The following RUVBL1 variants were observed in gnomAD, a reference collection of about 807,000 sequenced individuals.
The protein encoded by RUVBL1 is ruvB-like 1.
A neutral mutation model predicts 52.4 loss-of-function variants in RUVBL1; 4 were observed. The observed-to-expected ratio is 0.08, with a 90% CI of 0.04 to 0.17. The LOEUF (loss-of-function observed/expected upper bound fraction) is 0.17, where lower values mean the gene tolerates loss of function less well. RUVBL1 is among the 10% of genes least tolerant of loss of function. The probability of loss-of-function intolerance (pLI) is 1.00; values close to 1 mark genes in which losing one functional copy is unlikely to be tolerated. For synonymous variants in RUVBL1, 217 were observed against 214.4 expected, an observed-to-expected ratio of 1.01 and a Z score of -0.10; for missense variants, 298 against 572.8, an observed-to-expected ratio of 0.52 and a Z score of 4.90.
At chr3:128,085,200 T>C (rs1012989023) in intron 9 of RUVBL1, 2 of 152,272 alleles carry the variant, frequency 1.3e-5, no homozygotes, top group Non-Finnish European at 2.9e-5. Flanking sequence ...GGGCCCGTTA[T>C]TGCCAATACC....
chr3:128,151,422 T>C (rs1031119769), intron 1 of RUVBL1, among the ~76,000 whole-genome samples: 1 of 151,620 alleles, frequency 6.6e-6, no homozygotes, highest in Non-Finnish European at 1.5e-5. Context: ...AGGTAAGAAA[T>C]GAGGTTTATT....
chr3:128,085,995 G>A (rs886939247), intron 9 of RUVBL1, among the ~76,000 whole-genome samples: 3 of 152,174 alleles, frequency 2.0e-5, no homozygotes, highest in Non-Finnish European at 4.4e-5. Context: ...AGTTACCCTA[G>A]GTCGCAGTGT....
chr3:128,128,281 C>A (rs1156294343), upstream of RUVBL1, among the ~76,000 whole-genome samples: 1 of 152,196 alleles, frequency 6.6e-6, no homozygotes, highest in East Asian at 1.9e-4. Context: ...AGCCATAGCA[C>A]CCAGCAGTAA....
chr3:128,153,109 C>G (rs2107746250), intron 1 of RUVBL1: 1 of 564,424 alleles, frequency 1.8e-6, no homozygotes, highest in African/African-American at 2.1e-5. Flanking sequence ...GTGCATGTTA[C>G]AGAGCACTGA....
At chr3:128,065,290 A>G (rs1941932069) in intron 9 of RUVBL1, 1 of 601,926 alleles carries the variant, frequency 1.7e-6, no homozygotes, top group Non-Finnish European at 3.0e-6. Context: ...GGTTGGGCCT[A>G]TCGACAGGTA....
At chr3:128,127,769 G>A (rs557813267), upstream of RUVBL1, among the ~76,000 whole-genome samples, 4 of 152,282 alleles carry the variant, frequency 2.6e-5, no homozygotes, top group East Asian at 7.7e-4. Context: ...GGCCGAGGTG[G>A]GCAGATCACT....
chr3:128,110,013 C>T (rs1943344132), intron 3 of RUVBL1, among the ~76,000 whole-genome samples: 1 of 152,024 alleles, frequency 6.6e-6, no homozygotes, highest in South Asian at 2.1e-4. Flanking sequence ...GACGGGGTTT[C>T]ACCATGTTGG....
chr3:128,152,430 T>C (rs561583701), intron 1 of RUVBL1, among the ~76,000 whole-genome samples: 2 of 152,320 alleles, frequency 1.3e-5, no homozygotes, highest in East Asian at 1.9e-4. Context: ...CCTAGATGTC[T>C]TCCCTGACCC....
At chr3:128,094,365 CG>C (rs1221065241) in intron 8 of RUVBL1, among the ~76,000 whole-genome samples, 3 of 152,158 alleles carry the variant, frequency 2.0e-5, no homozygotes, top group African/African-American at 7.2e-5. Context: ...CGAGAGGGAG[CG>C]TACACTACCT....
chr3:128,134,795 A>C (rs1943928050), intron 1 of RUVBL1, among the ~76,000 whole-genome samples: 1 of 148,626 alleles, frequency 6.7e-6, no homozygotes, highest in African/African-American at 2.5e-5. Flanking sequence ...ACTTTGTCTA[A>C]AAAAAAAAAG....
At chr3:128,099,250 A>T (rs1205306374) in intron 6 of RUVBL1, among the ~76,000 whole-genome samples, 1 of 152,100 alleles carries the variant, frequency 6.6e-6, no homozygotes, top group African/African-American at 2.4e-5. Context: ...CCTGCCCTGG[A>T]CACCCCCAAG....
intron 1 of RUVBL1, among the ~76,000 whole-genome samples, chr3:128,144,300 T>G (rs1295982644): frequency 3.9e-5 from 6 of 152,224 alleles, no homozygotes; most frequent in Non-Finnish European, 8.8e-5. Flanking sequence ...CTGGGCAAAT[T>G]TATAATTAAT....
At chr3:128,152,763 C>T (rs970809503) in intron 1 of RUVBL1, among the ~76,000 whole-genome samples, 2 of 152,104 alleles carry the variant, frequency 1.3e-5, no homozygotes, top group African/African-American at 4.8e-5. Context: ...ATGGCACAGT[C>T]CCAAAGAGTG....
intron 2 of RUVBL1, among the ~76,000 whole-genome samples, chr3:128,117,597 T>G (rs924483794): frequency 1.3e-5 from 2 of 151,468 alleles, no homozygotes; most frequent in African/African-American, 4.8e-5. Flanking sequence ...CTGAAGAGAT[T>G]AACGCTGACA....
At chr3:128,131,532 AC>A (rs1300577250) in intron 1 of RUVBL1, among the ~76,000 whole-genome samples, 12 of 146,592 alleles carry the variant, frequency 8.2e-5, no homozygotes, top group African/African-American at 3.1e-4. Context: ...AACAACAACA[AC>A]AAAAAAAAAC....
intron 1 of RUVBL1, among the ~76,000 whole-genome samples, chr3:128,139,567 G>C (rs1943990255): frequency 6.6e-6 from 1 of 152,166 alleles, no homozygotes. Context: ...TGACAATCTG[G>C]AGAAAAAGTA....
At chr3:128,101,719 T>C (rs1222180847) in intron 4 of RUVBL1, 71 bp from the exon 5 acceptor site, 10 of 1,312,972 alleles carry the variant, frequency 7.6e-6, no homozygotes, top group Non-Finnish European at 1.1e-5. Context: ...TAAGGTACCT[T>C]TCCGTAAGGG....
rs535916580 is a variant in RUVBL1 at position 128,119,419 on chromosome 3, ACAC to A, written c.142-8_142-6del. 1.5e-4 allele frequency: 248 copies of A among 1,606,262 alleles called. 2 individuals carry two copies. In the South Asian group the frequency reaches 2.7e-3, roughly 17 times the overall value. On this transcript the variant is annotated splice_polypyrimidine_tract_variant and splice_region_variant and intron_variant, in intron 1 of 10. Transcript: ENST00000322623. ...TTCTACTATGACGCCACATGCCTAC[ACAC>A]CACAATGGAAAGAAATAATAAATCA...
In RUVBL1 at chr3:128,067,977, C is replaced by G. The variant is rs544872426; in HGVS notation, c.940-2757G>C. The G allele has an allele frequency of 2.4e-5, 39 of 1,613,616 alleles. No individual in the cohort carries two copies. Among genetic ancestry groups the G allele is most frequent in the Non-Finnish European group, 3.2e-5 (38 of 1,179,748 alleles). On this transcript the variant is annotated intron_variant, in intron 9 of 9. Coordinates refer to the RUVBL1 transcript ENST00000464873. The surrounding 1 kb of genome is among the most constrained non-coding windows in gnomAD (Gnocchi z 4.1). ...TTCCAACTTCTCCCCTGTGGGCACCCTGCAGGTTGCAAAGCAGCTGAAGGA... is the reference window on the plus strand; with the variant it reads ...TTCCAACTTCTCCCCTGTGGGCACCGTGCAGGTTGCAAAGCAGCTGAAGGA...
Sources: gnomAD v4.1 joint callset for allele counts (sites outside exome capture counted in the v4.1 genomes callset) on GRCh38, gnomAD v4.1.1 for gene constraint, Gnocchi (gnomAD v3.1) non-coding constraint, MANE v1.5 for transcripts, NCBI Gene and HGNC (gene_info 2026-07-23, HGNC 2026-07-21) for gene names.